OSMR: variants seen among roughly 807,000 people sequenced by gnomAD.
OSMR encodes the protein oncostatin-M-specific receptor subunit beta.
A neutral mutation model predicts 99.9 loss-of-function variants in OSMR; 81 were observed. The observed-to-expected ratio is 0.81, with a 90% CI of 0.68 to 0.97. The LOEUF (loss-of-function observed/expected upper bound fraction) is 0.97. OSMR is among the 50% of genes least tolerant of loss of function. OSMR has a pLI of 0.00. For synonymous variants in OSMR, 406 were observed against 410.4 expected (o/e 0.99, Z 0.13); for missense variants, 1,099 against 1,153.4 (o/e 0.95, Z 0.68).
At chr5:38,902,824 C>T (rs1744979820) in intron 7 of OSMR, among the ~76,000 whole-genome samples, 1 of 152,206 alleles carries the variant, frequency 6.6e-6, no homozygotes, top group African/African-American at 2.4e-5. Flanking sequence ...TTTTAATTCT[C>T]TCTCAGATGC....
intron 7 of OSMR, among the ~76,000 whole-genome samples, chr5:38,897,504 A>C (rs947155834): frequency 6.6e-6 from 1 of 151,580 alleles, no homozygotes; most frequent in South Asian, 2.1e-4. Context: ...CTCCCTTTTT[A>C]TCTTTGATTT....
At chr5:38,944,548 T>C (rs1747957757) in intron 2 of OSMR, 2 of 1,602,722 alleles carry the variant, frequency 1.2e-6, no homozygotes, top group Non-Finnish European at 8.5e-7. Context: ...CATTGGTGTA[T>C]CATCTGGAAT....
At position 38,924,469 on chromosome 5, in the gene OSMR, T is replaced by A. The variant is rs1482392134; in HGVS notation, c.1918T>A (p.Ser640Thr). Reference protein sequence around the residue: ...HVLVDTLTSHSFTLSWKDYST... With the variant: ...HVLVDTLTSHTFTLSWKDYST... Reference sequence around the variant, plus strand: ...GCTGGTGGATACATTGACATCCCACTCCTTCACTCTGAGTTGGAAAGATTA... The same window carrying A: ...GCTGGTGGATACATTGACATCCCACACCTTCACTCTGAGTTGGAAAGATTA... Residue 640 changes from serine (S) to threonine (T), a missense_variant, in exon 14 of 18, where the codon TCC (serine) becomes ACC (threonine). Ser to Thr is a moderately conservative substitution (Grantham distance 58). Transcript: ENST00000274276. 1 of 1,614,028 alleles carries A rather than the reference T, an allele frequency of 6.2e-7. No homozygotes were observed.
chr5:38,872,431 G>A (rs921997707), intron 2 of OSMR, among the ~76,000 whole-genome samples: 12 of 152,154 alleles, frequency 7.9e-5, no homozygotes, highest in African/African-American at 2.9e-4. Flanking sequence ...GTAAGGCTGA[G>A]TCTCAACCTT....
intron 1 of OSMR, among the ~76,000 whole-genome samples, chr5:38,856,617 G>A (rs577880575): frequency 8.5e-5 from 13 of 152,282 alleles, no homozygotes; most frequent in Admixed American, 6.5e-4. Context: ...AGTATAAAGG[G>A]CAGGAATTCC....
Position 38,917,632 on chromosome 5 carries a change from G to A in OSMR, c.1362+10G>A, listed in dbSNP as rs757697936. The A allele has an allele frequency of 1.2e-6, 2 of 1,604,502 alleles. No homozygotes were observed. The highest frequency in any genetic ancestry group is 1.7e-5 in the Admixed American group (1 of 59,966). The stretch of plus-strand genomic sequence containing the variant: ...GACCTTATTCTGGAAGGTAAGATGT[G>A]CAGATTCCAAAAGTCTGATTGTTTC... On this transcript the variant is annotated intron_variant, in intron 10 of 17. Transcript: ENST00000274276.
rs1308875620 is a variant in OSMR at position 38,924,522 on chromosome 5, A to G, written c.1971A>G (p.Ile657Met). The change falls in exon 14 of 18, where the codon ATA becomes ATG. Residue 657 changes from isoleucine (I) to methionine (M), a missense_variant. Transcript: ENST00000274276. ...CTACTGAATCTCAACCTGGTTTTAT[A>G]CAAGGGTACCATGTCTATCTGAAAT... ...DYSTESQPGF[I>M]QGYHVYLKSK... is the part of the protein sequence containing the mutation. 4.3e-6 allele frequency: 7 copies of G among 1,614,070 alleles called. No homozygotes were observed. Among genetic ancestry groups the G allele is most frequent in the Non-Finnish European group, 5.9e-6 (7 of 1,180,008 alleles).
At chr5:38,853,925 A>C (rs1740651267) in intron 1 of OSMR, among the ~76,000 whole-genome samples, 1 of 152,132 alleles carries the variant, frequency 6.6e-6, no homozygotes, top group Non-Finnish European at 1.5e-5. Context: ...GTAGCTTCTG[A>C]CTGTGGAGCC....
chr5:38,926,912 A>G (rs576210772), intron 15 of OSMR, among the ~76,000 whole-genome samples: 1 of 152,256 alleles, frequency 6.6e-6, no homozygotes, highest in Admixed American at 6.5e-5. Flanking sequence ...TTTCCTAGAT[A>G]CAATGGGAGT....
chr5:38,875,482 G>A (rs1742744167), intron 2 of OSMR, among the ~76,000 whole-genome samples: 1 of 152,146 alleles, frequency 6.6e-6, no homozygotes, highest in African/African-American at 2.4e-5. Context: ...TGCTTCCCAA[G>A]GCCACCAACT....
chr5:38,910,432 A>G (rs766846067), intron 9 of OSMR, among the ~76,000 whole-genome samples: 1 of 152,200 alleles, frequency 6.6e-6, no homozygotes, highest in Non-Finnish European at 1.5e-5. Context: ...CACATGGCAT[A>G]TACTCTAAAA....
chr5:38,864,310 A>G (rs982612997), intron 1 of OSMR, among the ~76,000 whole-genome samples: 6 of 151,996 alleles, frequency 3.9e-5, no homozygotes, highest in African/African-American at 1.5e-4. Flanking sequence ...TATCTGAGTC[A>G]TAGCTCTTTC....
intron 7 of OSMR, among the ~76,000 whole-genome samples, chr5:38,900,421 C>CT (rs958246364): frequency 2.6e-5 from 4 of 152,116 alleles, no homozygotes; most frequent in African/African-American, 9.7e-5. Flanking sequence ...TATGAAGGTG[C>CT]TTTTTTTCAT....
In OSMR at chr5:38,921,611, A is replaced by G. The variant is rs1309256593; in HGVS notation, c.1586-4A>G. ...GGAGCATTGCTCTATTTGTTTATAT[A>G]CAGAAGAGGTTGAGGAAGAAAGAAT... On this transcript the variant is annotated splice_region_variant and splice_polypyrimidine_tract_variant and intron_variant, in intron 11 of 17. Transcript: ENST00000274276. 3.7e-6 allele frequency: 6 copies of G among 1,614,144 alleles called. No individual in the cohort carries two copies. Among genetic ancestry groups the G allele is most frequent in the Non-Finnish European group, 5.1e-6 (6 of 1,180,022 alleles).
At chr5:38,907,343 A>C (rs1332205954) in intron 9 of OSMR, among the ~76,000 whole-genome samples, 1 of 152,200 alleles carries the variant, frequency 6.6e-6, no homozygotes, top group African/African-American at 2.4e-5. Context: ...GGACAATTGG[A>C]CTGGCAGGAA....
At position 38,863,220 on chromosome 5, in the gene OSMR, G is replaced by A. The variant is rs148834777; in HGVS notation, c.-13-5812G>A. 0.044 allele frequency among the ~76,000 whole-genome samples: 4,064 copies of A among 92,720 alleles called. 506 individuals are homozygous for A. The East Asian group carries it at 0.46, about 11-fold the overall frequency. The allele number at this position is 92,720 out of a possible 152,430, so 60.8% of individuals were successfully genotyped here. A position where few individuals can be genotyped will look rare whatever the true frequency, so the allele number is the denominator to read the frequency against. On this transcript the variant is annotated intron_variant, in intron 1 of 17. Transcript: ENST00000274276. ...GGGGGAGGGGGAGGGGGAGGGGGAGGGGGAGAGATGATTTTGGTTTTTAAA... is the reference window on the plus strand; with the variant it reads ...GGGGGAGGGGGAGGGGGAGGGGGAGAGGGAGAGATGATTTTGGTTTTTAAA...
intron 7 of OSMR, chr5:38,886,711 G>A (rs1207234761): frequency 6.6e-6 from 1 of 152,570 alleles, no homozygotes; most frequent in Middle Eastern, 3.2e-3. Context: ...GTATTTCATT[G>A]TGTAAATATT....
At chr5:38,889,163 C>T (rs1743989215) in intron 7 of OSMR, among the ~76,000 whole-genome samples, 1 of 151,770 alleles carries the variant, frequency 6.6e-6, no homozygotes, top group Admixed American at 6.6e-5. Flanking sequence ...TTGATGTGTT[C>T]AGTAATATGG....
Position 38,876,081 on chromosome 5 carries a change from T to C in OSMR, c.74-120T>C. 2.1e-6 allele frequency: 3 copies of C among 1,426,930 alleles called. No homozygotes were observed. In the South Asian group the frequency reaches 4.3e-5, roughly 21 times the overall value. The allele number at this position is 1,426,930 out of a possible 1,614,324, so 88.4% of individuals were successfully genotyped here. A position where few individuals can be genotyped will look rare whatever the true frequency, so the allele number is the denominator to read the frequency against. On this transcript the variant is annotated intron_variant, in intron 2 of 17. Coordinates refer to ENST00000274276, the MANE Select transcript of OSMR (RefSeq NM_003999.3). ...ATTTCCAAGGTGTCTGATTCTAGGA[T>C]GCACATATGAGCAATATTTTCCAGA...
Sources: gnomAD v4.1 joint callset for allele counts (sites outside exome capture counted in the v4.1 genomes callset) on GRCh38, gnomAD v4.1.1 for gene constraint, MANE v1.5 for transcripts, NCBI Gene and HGNC (gene_info 2026-07-23, HGNC 2026-07-21) for gene names.